Variants in SYNE1 observed in about 807,000 individuals in gnomAD.
The protein encoded by SYNE1 is nesprin-1.
Under a neutral mutation model 1,111.0 loss-of-function variants are expected in SYNE1, and 616 were observed. The observed-to-expected ratio is 0.55, with a 90% confidence interval of 0.52 to 0.59. The LOEUF (loss-of-function observed/expected upper bound fraction) is 0.59. SYNE1 is among the 20% of genes least tolerant of loss of function. The pLI, the probability that SYNE1 is intolerant of heterozygous loss-of-function variation, is 0.00. For synonymous variants in SYNE1, 3,855 were observed against 3,825.8 expected, an observed-to-expected ratio of 1.01 and a Z score of -0.28; for missense variants, 10,006 against 10,417.0, an observed-to-expected ratio of 0.96 and a Z score of 1.72.
chr6:152,329,874 G>C lies in SYNE1; in HGVS notation c.14811C>G (p.Ser4937Arg). 6.2e-7 allele frequency: 1 copy of C among 1,614,124 alleles called. No homozygotes were observed. The highest frequency in any genetic ancestry group is 1.1e-5 in the South Asian group (1 of 91,082). ...IQIHQEEVQS[S>R]LRIMNALSHK... is the part of the protein sequence containing the mutation. The stretch of plus-strand genomic sequence containing the variant: ...GACTCAGCGCATTCATGATTCTCAA[G>C]CTGGACTGGACCTCTTCCTGATGAA... Residue 4937 changes from serine (S) to arginine (R), a missense_variant, in exon 78 of 146, where the codon AGC becomes AGG. Ser to Arg is a moderately radical substitution (Grantham distance 110). Transcript: ENST00000367255.
At position 152,254,980 on chromosome 6, in the gene SYNE1, G is replaced by C; in HGVS notation, c.19370C>G (p.Thr6457Ser). The change falls in exon 104 of 146, where the codon ACT becomes AGT. Residue 6457 changes from threonine to serine, a missense_variant. Coordinates refer to ENST00000367255, the MANE Select transcript of SYNE1 (RefSeq NM_182961.4). ...NGDNRDVIED[T>S]LGCLLGRLSL... ...TAACCTGCCCAAAAGACAACCCAAA[G>C]TATCTTCAATAACATCTCGATTATC... 1 of 1,613,978 alleles carries C rather than the reference G, an allele frequency of 6.2e-7. No individual in the cohort carries two copies. Among genetic ancestry groups the C allele is most frequent in the Non-Finnish European group, 8.5e-7 (1 of 1,179,948 alleles).
At chr6:152,489,317 A>G (rs1643162329) in intron 11 of SYNE1, among the ~76,000 whole-genome samples, 1 of 152,192 alleles carries the variant, frequency 6.6e-6, no homozygotes, top group Non-Finnish European at 1.5e-5. Flanking sequence ...TGCTGCTGAC[A>G]GTGCTGTGAC....
intron 3 of SYNE1, among the ~76,000 whole-genome samples, chr6:152,557,941 T>C (rs2099376010): frequency 6.6e-6 from 1 of 152,154 alleles, no homozygotes; most frequent in Non-Finnish European, 1.5e-5. Flanking sequence ...AATGGTGCCA[T>C]ACAAGTCACT....
intron 97 of SYNE1, among the ~76,000 whole-genome samples, chr6:152,280,222 A>G (rs941748881): frequency 6.6e-6 from 1 of 152,212 alleles, no homozygotes; most frequent in Non-Finnish European, 1.5e-5. Context: ...CTTATATGTA[A>G]GATTTTAATT....
At chr6:152,568,998 T>G (rs2099430105) in intron 3 of SYNE1, among the ~76,000 whole-genome samples, 1 of 152,190 alleles carries the variant, frequency 6.6e-6, no homozygotes, top group South Asian at 2.1e-4. Context: ...AAGCCAGTAT[T>G]TTTAACTCTT....
At position 152,300,730 on chromosome 6, in the gene SYNE1, C is replaced by G; in HGVS notation, c.17593G>C (p.Gly5865Arg). 1 of 1,614,224 alleles carries G rather than the reference C, an allele frequency of 6.2e-7. No individual in the cohort carries two copies. The highest frequency in any genetic ancestry group is 8.5e-7 in the Non-Finnish European group (1 of 1,180,040). The change falls in exon 93 of 146, where the codon GGG (glycine) becomes CGG (arginine). Residue 5865 changes from glycine (G) to arginine (R), a missense_variant. Transcript: ENST00000367255. ...ATCTCACTGTTGGTTCCCTCCTCCC[C>G]AGACTCCTCAGTGACCGGTGACAGC... The part of the protein sequence containing the change: ...TLLSPVTEES[G>R]EEGTNSEISS...
intron 3 of SYNE1, among the ~76,000 whole-genome samples, chr6:152,586,631 T>G (rs903545482): frequency 6.8e-6 from 1 of 147,308 alleles, no homozygotes. Context: ...GCACTGATGC[T>G]GGCTATATAC....
chr6:152,333,180 T>A (rs2096287935), intron 77 of SYNE1, among the ~76,000 whole-genome samples: 1 of 152,190 alleles, frequency 6.6e-6, no homozygotes. Flanking sequence ...TGGTTTCATA[T>A]AATGATCCAG....
chr6:152,424,898 G>A (rs1038122222), intron 39 of SYNE1, among the ~76,000 whole-genome samples: 1 of 152,220 alleles, frequency 6.6e-6, no homozygotes, highest in Non-Finnish European at 1.5e-5. Flanking sequence ...GAAAGGTATA[G>A]ATGCCAATTG....
intron 97 of SYNE1, 46 bp from the exon 98 acceptor site, chr6:152,278,326 T>A: frequency 1.2e-6 from 2 of 1,603,614 alleles, no homozygotes; most frequent in Non-Finnish European, 1.7e-6. Context: ...CTCCCCAGCC[T>A]CTGCAAAGAC....
intron 104 of SYNE1, among the ~76,000 whole-genome samples, chr6:152,253,741 C>A (rs565288904): frequency 6.8e-6 from 1 of 147,594 alleles, no homozygotes; most frequent in Non-Finnish European, 1.5e-5. Context: ...TGTAGACTAC[C>A]AGAAGGCAGT....
chr6:152,367,472 C>T, intron 61 of SYNE1, 90 bp from the exon 62 acceptor site: 1 of 1,462,692 alleles, frequency 6.8e-7, no homozygotes, highest in South Asian at 1.1e-5. Context: ...GGCAATCAGT[C>T]ATGGCTTCAT....
At chr6:152,203,058 T>G (rs915992078) in intron 126 of SYNE1, among the ~76,000 whole-genome samples, 1 of 152,178 alleles carries the variant, frequency 6.6e-6, no homozygotes, top group East Asian at 1.9e-4. Flanking sequence ...TAGAGCTCTA[T>G]GTACTGACAA....
At position 152,413,430 on chromosome 6, in the gene SYNE1, G is replaced by T; in HGVS notation, c.6152C>A (p.Ala2051Asp). 6.2e-7 allele frequency: 1 copy of T among 1,614,142 alleles called. No homozygotes were observed. The highest frequency in any genetic ancestry group is 8.5e-7 in the Non-Finnish European group (1 of 1,180,016). ...KAKQIAQKDV[A>D]FAPEVDREIN... is the part of the protein sequence containing the mutation. Reference sequence around the variant, plus strand: ...CTCCCTGTCAACTTCAGGTGCAAAAGCTACATCTTTCTGGGCAATTTGCTT... The same window carrying T: ...CTCCCTGTCAACTTCAGGTGCAAAATCTACATCTTTCTGGGCAATTTGCTT... The change falls in exon 42 of 146, where the codon GCT becomes GAT. Residue 2051 changes from alanine to aspartate, a missense_variant. Physicochemically the swap from Ala to Asp is moderately radical, Grantham distance 126. Coordinates refer to ENST00000367255, the MANE Select transcript of SYNE1 (RefSeq NM_182961.4).
chr6:152,162,407 G>A (rs543125670), intron 131 of SYNE1, among the ~76,000 whole-genome samples: 4 of 152,060 alleles, frequency 2.6e-5, no homozygotes, highest in African/African-American at 9.6e-5. Context: ...CATTTTATTG[G>A]GGTTTTAGTA....
intron 3 of SYNE1, among the ~76,000 whole-genome samples, chr6:152,596,551 C>T (rs748005809): frequency 1.1e-4 from 17 of 152,072 alleles, no homozygotes; most frequent in African/African-American, 2.2e-4. Context: ...CCAGTGTGCC[C>T]GGCCAAGTTA....
At chr6:152,364,123 A>G (rs2097003944) in intron 63 of SYNE1, among the ~76,000 whole-genome samples, 1 of 152,192 alleles carries the variant, frequency 6.6e-6, no homozygotes, top group Non-Finnish European at 1.5e-5. Flanking sequence ...TGATGATTTT[A>G]TAAGGGGCTT....
intron 53 of SYNE1, among the ~76,000 whole-genome samples, chr6:152,389,339 C>T (rs149792793): frequency 6.6e-6 from 1 of 152,240 alleles, no homozygotes; most frequent in Non-Finnish European, 1.5e-5. Context: ...ATTTTTGCTG[C>T]TCCTCTCCCT....
intron 14 of SYNE1, chr6:152,481,553 T>C (rs2098899426): frequency 2.2e-6 from 1 of 453,632 alleles, no homozygotes; most frequent in African/African-American, 2.0e-5. Context: ...GAATCTGCAA[T>C]TTAAAAATAA....
Sources: gnomAD v4.1 joint callset for allele counts (sites outside exome capture counted in the v4.1 genomes callset) on GRCh38, gnomAD v4.1.1 for gene constraint, MANE v1.5 for transcripts, NCBI Gene and HGNC (gene_info 2026-07-23, HGNC 2026-07-21) for gene names.